The following ELFN1 variants were observed in gnomAD, a reference collection of about 807,000 sequenced individuals.
ELFN1 encodes extracellular leucine rich repeat and fibronectin type III domain containing 1, also known as protein ELFN1.
In ELFN1, 6 loss-of-function variants were observed where a neutral mutation model predicts 7.6. The observed-to-expected ratio is 0.79, with a 90% confidence interval of 0.43 to 1.56. The LOEUF is 1.56. Ranked by LOEUF, ELFN1 falls within the 40% of genes most tolerant of loss-of-function variation. The pLI is 0.01. For synonymous variants in ELFN1, 657 were observed against 588.1 expected (o/e 1.12, Z -1.70); for missense variants, 1,169 against 1,232.2 (o/e 0.95, Z 0.77).
At chr7:1,696,277 G>GGA (rs369346750) in intron 2 of ELFN1, among the ~76,000 whole-genome samples, 1,681 of 145,622 alleles carry the variant, frequency 0.012, 14 homozygotes, top group Non-Finnish European at 0.015. Flanking sequence ...AGAAAGAGAT[G>GGA]GAGAGAGAGA....
Position 1,673,431 on chromosome 7 carries a change from C to T in ELFN1, c.-549+3077C>T, listed in dbSNP as rs966534840. On this transcript the variant is annotated intron_variant, in intron 1 of 3. Transcript: ENST00000424383. The surrounding 1 kb of genome is among the most constrained non-coding windows in gnomAD (Gnocchi z 4.7). ...ACCCTGAGCCAGTCAGTGGCACCGA[C>T]AGTAAACAGGAAGCAGGGTGGCAGC... 7.2e-5 allele frequency among the ~76,000 whole-genome samples: 11 copies of T among 152,312 alleles called. No homozygotes were observed. In the South Asian group the frequency reaches 1.5e-3, roughly 20 times the overall value.
intron 2 of ELFN1, chr7:1,691,940 A>G (rs1383355648): frequency 2.0e-5 from 3 of 152,276 alleles, no homozygotes; most frequent in Non-Finnish European, 4.4e-5. Flanking sequence ...CCGATTCTGC[A>G]TTCCTGACCA....
Position 1,731,998 on chromosome 7 carries a change from C to A in ELFN1, c.-293-12306C>A, listed in dbSNP as rs370077620. Among the ~76,000 whole-genome samples the A allele has an allele frequency of 2.0e-5, 3 of 152,224 alleles. 1 individual carries two copies. Among genetic ancestry groups the A allele is most frequent in the Admixed American group, 6.5e-5 (1 of 15,284 alleles). The stretch of plus-strand genomic sequence containing the variant: ...TATGGAGTTAATATTTCCCTGAATT[C>A]ATTCAGCATGCACTGCCTACTCAGT... On this transcript the variant is annotated intron_variant, in intron 3 of 3. Transcript: ENST00000424383.
In ELFN1 at chr7:1,695,090, G is replaced by A. The variant is rs548121655; in HGVS notation, c.-456+6940G>A. ...ACGCTGCAGACGGCTCCGGATGCAC[G>A]TGGCTGTGCCAGGCAGCAGACGTGG... On this transcript the variant is annotated intron_variant, in intron 2 of 3. Transcript: ENST00000424383. This position sits in a 1 kb window ranked among gnomAD's most constrained non-coding sequence, Gnocchi z 5.1. Among the ~76,000 whole-genome samples the A allele has an allele frequency of 6.6e-5, 10 of 152,316 alleles. No homozygotes were observed. Among genetic ancestry groups the A allele is most frequent in the Non-Finnish European group, 1.3e-4 (9 of 68,030 alleles).
Position 1,746,538 on chromosome 7 carries a change from A to G in ELFN1, c.1942A>G (p.Ser648Gly). The change falls in exon 4 of 4, where the codon AGC (serine) becomes GGC (glycine). Residue 648 changes from serine (S) to glycine (G), a missense_variant. Physicochemically the swap from Ser to Gly is moderately conservative, Grantham distance 56 (BLOSUM62 0). Coordinates refer to ENST00000424383, the MANE Select transcript of ELFN1 (RefSeq NM_001128636.4). ...ASTSSSGSVR[S>G]PRAFRAEAVG... Reference sequence around the variant, plus strand: ...CACCTCGTCCAGCGGCTCCGTGCGCAGCCCCCGCGCCTTCCGAGCCGAGGC... The same window carrying G: ...CACCTCGTCCAGCGGCTCCGTGCGCGGCCCCCGCGCCTTCCGAGCCGAGGC... 1 of 1,421,398 alleles carries G rather than the reference A, an allele frequency of 7.0e-7. No individual in the cohort carries two copies. Among genetic ancestry groups the G allele is most frequent in the Non-Finnish European group, 9.1e-7 (1 of 1,097,940 alleles). The allele number at this position is 1,421,398 out of a possible 1,614,324, so 88.0% of individuals were successfully genotyped here.
Position 1,722,932 on chromosome 7 carries a change from C to T in ELFN1, c.-294+13680C>T, listed in dbSNP as rs559550967. On this transcript the variant is annotated intron_variant, in intron 3 of 3. Coordinates refer to ENST00000424383, the MANE Select transcript of ELFN1 (RefSeq NM_001128636.4). Reference sequence around the variant, plus strand: ...TTTTTTGGCTGGGTGCGGTGGCTCACGCCTGTAATCCCAGCACTCTGGGAG... The same window carrying T: ...TTTTTTGGCTGGGTGCGGTGGCTCATGCCTGTAATCCCAGCACTCTGGGAG... 7.2e-5 allele frequency among the ~76,000 whole-genome samples: 11 copies of T among 152,268 alleles called. No individual in the cohort carries two copies. The South Asian group carries it at 1.7e-3, about 23-fold the overall frequency.
intron 3 of ELFN1, among the ~76,000 whole-genome samples, chr7:1,709,927 C>T (rs1779615728): frequency 6.6e-6 from 1 of 152,230 alleles, no homozygotes; most frequent in Non-Finnish European, 1.5e-5. Flanking sequence ...CCTCTCTGGG[C>T]AACTGTACTT....
At chr7:1,712,534 T>G (rs962348753) in intron 3 of ELFN1, among the ~76,000 whole-genome samples, 1 of 151,994 alleles carries the variant, frequency 6.6e-6, no homozygotes, top group African/African-American at 2.4e-5. Context: ...AATTTTCAAG[T>G]GATTCTCCTT....
At chr7:1,713,655 G>A (rs1013261193) in intron 3 of ELFN1, among the ~76,000 whole-genome samples, 1 of 152,176 alleles carries the variant, frequency 6.6e-6, no homozygotes, top group Non-Finnish European at 1.5e-5. Context: ...GCAGAGGCCT[G>A]TTGAAGGCAG....
intron 2 of ELFN1, among the ~76,000 whole-genome samples, chr7:1,699,115 C>T (rs539215257): frequency 3.3e-5 from 5 of 152,304 alleles, no homozygotes; most frequent in East Asian, 1.9e-4. Context: ...GATGTGATGG[C>T]GGTTCCTTCC....
intron 1 of ELFN1, among the ~76,000 whole-genome samples, chr7:1,671,722 C>T (rs1279270121): frequency 2.0e-5 from 3 of 152,260 alleles, no homozygotes; most frequent in African/African-American, 4.8e-5. Flanking sequence ...GGCCTCCTGC[C>T]CCCTGGGTCC....
chr7:1,707,008 C>G (rs1779545957), intron 2 of ELFN1, among the ~76,000 whole-genome samples: 1 of 150,632 alleles, frequency 6.6e-6, no homozygotes, highest in Non-Finnish European at 1.5e-5. Context: ...ACATGTGCAA[C>G]ACACGTACAC....
intron 3 of ELFN1, among the ~76,000 whole-genome samples, chr7:1,710,071 G>A (rs1779618627): frequency 6.6e-6 from 1 of 152,204 alleles, no homozygotes; most frequent in Non-Finnish European, 1.5e-5. Flanking sequence ...AGAAGGAGGC[G>A]CTATTGTTAA....
intron 2 of ELFN1, among the ~76,000 whole-genome samples, chr7:1,688,634 T>C (rs1033240283): frequency 3.3e-5 from 5 of 152,236 alleles, no homozygotes; most frequent in Admixed American, 1.3e-4. Flanking sequence ...TTAAATTTTC[T>C]ATTTTAAGAC....
intron 1 of ELFN1, among the ~76,000 whole-genome samples, chr7:1,677,908 C>A (rs539523031): frequency 6.6e-6 from 1 of 151,956 alleles, no homozygotes; most frequent in Non-Finnish European, 1.5e-5. Flanking sequence ...CAGGGAGGGA[C>A]GTCAGGAAGA....
intron 1 of ELFN1, among the ~76,000 whole-genome samples, chr7:1,682,734 A>G (rs975012648): frequency 2.0e-5 from 3 of 146,754 alleles, no homozygotes; most frequent in Non-Finnish European, 4.5e-5. Flanking sequence ...TTCTTGCCTT[A>G]TTGCACTAAC....
intron 3 of ELFN1, among the ~76,000 whole-genome samples, chr7:1,742,966 G>C (rs1403355751): frequency 6.6e-6 from 1 of 152,224 alleles, no homozygotes; most frequent in Non-Finnish European, 1.5e-5. Context: ...CGGTGACAGA[G>C]GCCGACTGTA....
chr7:1,730,919 GA>G (rs1049923135), intron 3 of ELFN1, among the ~76,000 whole-genome samples: 1 of 151,886 alleles, frequency 6.6e-6, no homozygotes, highest in African/African-American at 2.4e-5. Flanking sequence ...AAGCAACTGA[GA>G]AAAAAAATGA....
upstream of ELFN1, among the ~76,000 whole-genome samples, chr7:1,669,884 C>T (rs1380996849): frequency 6.8e-6 from 1 of 147,700 alleles, no homozygotes; most frequent in Non-Finnish European, 1.5e-5. Context: ...CCCACCCACC[C>T]CCTCCACCTT....
Sources: allele counts gnomAD v4.1 joint callset (sites outside exome capture counted in the v4.1 genomes callset), GRCh38; gene constraint gnomAD v4.1.1; non-coding constraint Gnocchi (gnomAD v3.1); transcripts MANE v1.5; gene names NCBI Gene and HGNC (gene_info 2026-07-23, HGNC 2026-07-21).